YTHDC1: variants seen among roughly 807,000 people sequenced by gnomAD.
The protein encoded by YTHDC1 is YTH domain-containing protein 1.
A neutral mutation model predicts 107.0 loss-of-function variants in YTHDC1; 12 were observed. The ratio of observed to expected loss-of-function variants is 0.11; its 90% CI spans 0.07 to 0.18. YTHDC1 has a LOEUF of 0.18. Among genes scored for constraint, YTHDC1 ranks in the 10% least tolerant of loss-of-function variants. The probability of loss-of-function intolerance (pLI) is 1.00; values close to 1 mark genes in which losing one functional copy is unlikely to be tolerated. For missense variants in YTHDC1, 635 were observed against 898.8 expected (o/e 0.71, Z 3.75); for synonymous variants, 280 against 289.5 (o/e 0.97, Z 0.33).
In YTHDC1 at chr4:68,313,593, A is replaced by G. The variant is rs960471886; in HGVS notation, c.*506T>C. ...AAGTGACTTTATAAGTTTTTTAAAA[A>G]AAGAGGCAATGGGGAAAAAAACAAG... is the stretch of plus-strand genomic sequence containing the variant. On this transcript the variant is annotated 3_prime_UTR_variant, in exon 17 of 17. Coordinates refer to ENST00000344157, the MANE Select transcript of YTHDC1 (RefSeq NM_001031732.4). 3 of 153,480 alleles carry G rather than the reference A, an allele frequency of 2.0e-5. No homozygotes were observed. The highest frequency in any genetic ancestry group is 1.3e-4 in the Admixed American group (2 of 15,404). 9.5% of individuals were successfully genotyped at this position (153,480 alleles called of 1,614,324 possible). A position where few individuals can be genotyped will look rare whatever the true frequency, so the allele number is the denominator to read the frequency against.
At chr4:68,320,043 A>G in intron 12 of YTHDC1, 80 bp downstream of exon 12, 2 of 1,254,000 alleles carry the variant, frequency 1.6e-6, no homozygotes, top group Non-Finnish European at 2.2e-6. Context: ...AAACTGCAGG[A>G]TTGTGAGGGT....
At position 68,337,611 on chromosome 4, in the gene YTHDC1, A is replaced by G; in HGVS notation, c.420T>C (p.Pro140=). Residue 140 remains proline, a synonymous_variant, in exon 3 of 17, where the codon CCT becomes CCC. Coordinates refer to ENST00000344157, the MANE Select transcript of YTHDC1 (RefSeq NM_001031732.4). ...GCGTAGGAGATTTGGCCCTCCTTTCAGGATCCCTTTTCCGGACACAGGTTT... is the reference window on the plus strand; with the variant it reads ...GCGTAGGAGATTTGGCCCTCCTTTCGGGATCCCTTTTCCGGACACAGGTTT... ...PEKTCVRKRD[P]ERRAKSPTPD... 4.3e-6 allele frequency: 7 copies of G among 1,612,130 alleles called. No homozygotes were observed. Among genetic ancestry groups the G allele is most frequent in the Non-Finnish European group, 5.9e-6 (7 of 1,179,584 alleles).
chr4:68,333,249 C>A, intron 5 of YTHDC1, 59 bp downstream of exon 5: 1 of 1,351,590 alleles, frequency 7.4e-7, no homozygotes, highest in South Asian at 1.3e-5. Context: ...AGCCTCCACA[C>A]GCTTTCTAAA....
At chr4:68,348,747 C>CAA (rs754377165) in intron 1 of YTHDC1, among the ~76,000 whole-genome samples, 1 of 152,022 alleles carries the variant, frequency 6.6e-6, no homozygotes, top group Admixed American at 6.6e-5. Context: ...CAACCCCCGA[C>CAA]AAAAAAACCC....
chr4:68,317,893 A>G (rs549021223), intron 15 of YTHDC1, among the ~76,000 whole-genome samples: 3 of 152,342 alleles, frequency 2.0e-5, no homozygotes, highest in African/African-American at 7.2e-5. Flanking sequence ...TTTACAGATG[A>G]GGAAAACTAA....
At chr4:68,344,302 C>T (rs1172158275) in intron 1 of YTHDC1, among the ~76,000 whole-genome samples, 1 of 141,094 alleles carries the variant, frequency 7.1e-6, no homozygotes, top group Non-Finnish European at 1.5e-5. Flanking sequence ...ACATCTGCAA[C>T]CCCTGCATAA....
chr4:68,336,763 T>C (rs1578059347), intron 4 of YTHDC1, among the ~76,000 whole-genome samples: 1 of 152,294 alleles, frequency 6.6e-6, no homozygotes, highest in South Asian at 2.1e-4. Flanking sequence ...AAATCTGAAA[T>C]ACATTTCCTT....
At position 68,350,089 on chromosome 4, in the gene YTHDC1, A is replaced by C; in HGVS notation, c.-336T>G. The stretch of plus-strand genomic sequence containing the variant: ...TGCGCGAAACAATCCCGCTCCCGAA[A>C]TGCCCTGCGCTGTTTACGCTTCGTT... On this transcript the variant is annotated 5_prime_UTR_variant, in exon 1 of 17. Transcript: ENST00000344157. 1.1e-5 allele frequency: 5 copies of C among 452,300 alleles called. No homozygotes were observed. Among genetic ancestry groups the C allele is most frequent in the Non-Finnish European group, 1.6e-5 (4 of 248,822 alleles). The allele number at this position is 452,300 out of a possible 1,614,324, so 28.0% of individuals were successfully genotyped here.
intron 1 of YTHDC1, among the ~76,000 whole-genome samples, chr4:68,342,468 T>C (rs1323042586): frequency 6.6e-6 from 1 of 152,160 alleles, no homozygotes; most frequent in Non-Finnish European, 1.5e-5. Context: ...AAAGCTTACC[T>C]AGCTTCAAAC....
chr4:68,313,381 G>A lies in YTHDC1; in HGVS notation c.*718C>T, dbSNP rs1251331496. ...AGTAGCAATGTAGAATATGGGAATCGTCTTCCGCTGCCACGCACGCAAGTT... is the reference window on the plus strand; with the variant it reads ...AGTAGCAATGTAGAATATGGGAATCATCTTCCGCTGCCACGCACGCAAGTT... On this transcript the variant is annotated 3_prime_UTR_variant, in exon 17 of 17. Transcript: ENST00000344157. 1 of 152,534 alleles carries A rather than the reference G, an allele frequency of 6.6e-6. No homozygotes were observed. The highest frequency in any genetic ancestry group is 1.5e-5 in the Non-Finnish European group (1 of 68,040). 9.4% of individuals were successfully genotyped at this position (152,534 alleles called of 1,614,324 possible). A position where few individuals can be genotyped will look rare whatever the true frequency, so the allele number is the denominator to read the frequency against.
At chr4:68,316,251 T>A (rs777667267) in intron 16 of YTHDC1, 63 bp downstream of exon 16, 2 of 1,533,366 alleles carry the variant, frequency 1.3e-6, no homozygotes, top group Admixed American at 1.9e-5. Context: ...GGTCTCCCCA[T>A]ATTTAAGTTA....
At chr4:68,333,854 C>T (rs1041276530) in intron 4 of YTHDC1, among the ~76,000 whole-genome samples, 1 of 152,056 alleles carries the variant, frequency 6.6e-6, no homozygotes, top group African/African-American at 2.4e-5. Context: ...ACCCCTGAAC[C>T]CAAAGCTTTA....
intron 15 of YTHDC1, 149 bp from the exon 16 acceptor site, chr4:68,316,597 GCT>G: frequency 1.2e-6 from 1 of 861,736 alleles, no homozygotes; most frequent in Middle Eastern, 3.3e-4. Context: ...TTCAAAATAT[GCT>G]TTTTGTCGAA....
Position 68,322,609 on chromosome 4 carries a change from G to T in YTHDC1, c.1601+140C>A. The T allele has an allele frequency of 9.7e-7, 1 of 1,028,722 alleles. No homozygotes were observed. The highest frequency in any genetic ancestry group is 1.4e-6 in the Non-Finnish European group (1 of 735,498). The allele number at this position is 1,028,722 out of a possible 1,614,324, so 63.7% of individuals were successfully genotyped here. On this transcript the variant is annotated intron_variant, in intron 11 of 16. Transcript: ENST00000344157. The surrounding 1 kb of genome is among the most constrained non-coding windows in gnomAD (Gnocchi z 4.8). ...GTGACCATGTGAAATCCTCAATGAAGCCACAAACTAGTCCATGCAGCTTGA... is the reference window on the plus strand; with the variant it reads ...GTGACCATGTGAAATCCTCAATGAATCCACAAACTAGTCCATGCAGCTTGA...
intron 1 of YTHDC1, 55 bp downstream of exon 1, chr4:68,349,671 A>T (rs1725871228): frequency 1.0e-6 from 1 of 978,842 alleles, no homozygotes; most frequent in African/African-American, 2.5e-5. Context: ...CTGCTCCATC[A>T]CCCCACTCCC....
At chr4:68,340,360 A>G (rs1322068567) in intron 1 of YTHDC1, among the ~76,000 whole-genome samples, 1 of 152,094 alleles carries the variant, frequency 6.6e-6, no homozygotes, top group African/African-American at 2.4e-5. Context: ...ACCAATGCTG[A>G]TATGTACTTT....
chr4:68,324,696 G>A (rs899309130), intron 9 of YTHDC1, among the ~76,000 whole-genome samples: 4 of 152,134 alleles, frequency 2.6e-5, no homozygotes, highest in Middle Eastern at 3.2e-3. Context: ...CTCATTTGGA[G>A]GGTGCTTTCC....
intron 9 of YTHDC1, among the ~76,000 whole-genome samples, 169 bp from the exon 10 acceptor site, chr4:68,324,392 A>G (rs1181735669): frequency 6.6e-6 from 1 of 152,206 alleles, no homozygotes; most frequent in Non-Finnish European, 1.5e-5. Flanking sequence ...GACTTTTTCC[A>G]TATTCTCCAG....
rs1462499386 is a variant in YTHDC1, at chr4:68,350,040, G to A, written c.-287C>T. ...AGGGAAACAGATGGCGACGGCGGGC[G>A]GCGCTAAAATGGAGCCTGCTTCCTG... On this transcript the variant is annotated 5_prime_UTR_variant, in exon 1 of 17. Coordinates refer to ENST00000344157, the MANE Select transcript of YTHDC1 (RefSeq NM_001031732.4). 9.1e-6 allele frequency: 5 copies of A among 549,646 alleles called. No individual in the cohort carries two copies. The allele number at this position is 549,646 out of a possible 1,614,324, so 34.0% of individuals were successfully genotyped here.
Sources: allele counts gnomAD v4.1 joint callset (sites outside exome capture counted in the v4.1 genomes callset), GRCh38; gene constraint gnomAD v4.1.1; non-coding constraint Gnocchi (gnomAD v3.1); transcripts MANE v1.5; gene names NCBI Gene and HGNC (gene_info 2026-07-23, HGNC 2026-07-21).